Variants in LY86 observed in about 807,000 individuals in gnomAD.
LY86 encodes MD-1, RP105-associated.
Under a neutral mutation model 17.3 loss-of-function variants are expected in LY86, and 20 were observed. The observed-to-expected ratio is 1.15, with a 90% CI of 0.81 to 1.68. The LOEUF (loss-of-function observed/expected upper bound fraction) is 1.68, where lower values mean the gene tolerates loss of function less well. LY86 is among the 40% of genes most tolerant of loss of function. LY86 has a pLI of 0.00. For synonymous variants in LY86, 74 were observed against 70.6 expected (o/e 1.05, Z -0.24); for missense variants, 200 against 191.9 (o/e 1.04, Z -0.25).
chr6:6,607,736 C>CA (rs1410370803), intron 1 of LY86, among the ~76,000 whole-genome samples: 3 of 151,946 alleles, frequency 2.0e-5, no homozygotes, highest in Non-Finnish European at 4.4e-5. Flanking sequence ...CCCGTCTCTA[C>CA]AAAAAATACA....
intron 3 of LY86, among the ~76,000 whole-genome samples, chr6:6,646,041 T>G (rs992578263): frequency 1.1e-4 from 17 of 152,076 alleles, no homozygotes; most frequent in Non-Finnish European, 1.0e-4. Flanking sequence ...CGAAATCATG[T>G]TCCAGTAGCT....
chr6:6,601,463 C>G (rs1327931268), intron 1 of LY86, among the ~76,000 whole-genome samples: 1 of 152,206 alleles, frequency 6.6e-6, no homozygotes, highest in African/African-American at 2.4e-5. Flanking sequence ...TGGCTCACGC[C>G]TGTAATCCCA....
chr6:6,595,317 G>C (rs1221904800), intron 1 of LY86, among the ~76,000 whole-genome samples: 1 of 147,656 alleles, frequency 6.8e-6, no homozygotes, highest in Middle Eastern at 3.3e-3. Context: ...GGAGGAGGTG[G>C]AAGAGGAGGA....
Position 6,644,372 on chromosome 6 carries a change from C to T in LY86, c.353-5253C>T, listed in dbSNP as rs138017401. ...AACTCCATCTCTACAAAAAACTAGG[C>T]GTGTATGGTGGCACGCACTTGTAGT... On this transcript the variant is annotated intron_variant, in intron 3 of 4. Transcript: ENST00000230568. Among the ~76,000 whole-genome samples, 30 of 152,128 alleles carry T rather than the reference C, an allele frequency of 2.0e-4. No homozygotes were observed. The East Asian group carries it at 2.7e-3, about 14-fold the overall frequency.
At chr6:6,640,960 A>C (rs567851902) in intron 3 of LY86, among the ~76,000 whole-genome samples, 1 of 152,362 alleles carries the variant, frequency 6.6e-6, no homozygotes, top group South Asian at 2.1e-4. Flanking sequence ...GGACAGGGAG[A>C]GATATCAAAG....
At chr6:6,597,446 C>T (rs1760750047) in intron 1 of LY86, among the ~76,000 whole-genome samples, 2 of 152,178 alleles carry the variant, frequency 1.3e-5, no homozygotes, top group South Asian at 4.1e-4. Context: ...GGGGTTTTCA[C>T]TGAAATAAAA....
chr6:6,634,607 T>C (rs1018839471), intron 3 of LY86, among the ~76,000 whole-genome samples: 3 of 152,226 alleles, frequency 2.0e-5, no homozygotes, highest in African/African-American at 7.2e-5. Context: ...TTACGTTTCT[T>C]AATTAGATGT....
At chr6:6,603,568 C>A (rs1760981799) in intron 1 of LY86, among the ~76,000 whole-genome samples, 1 of 98,430 alleles carries the variant, frequency 1.0e-5, no homozygotes, top group Non-Finnish European at 2.1e-5. Flanking sequence ...CTCCAGAAGC[C>A]AAAACAAAGC....
At chr6:6,650,148 T>C (rs1581254163) in intron 4 of LY86, among the ~76,000 whole-genome samples, 1 of 152,188 alleles carries the variant, frequency 6.6e-6, no homozygotes, top group South Asian at 2.1e-4. Flanking sequence ...GTCCTTTCAT[T>C]GTTACTCATA....
At chr6:6,639,269 C>G (rs977593208) in intron 3 of LY86, among the ~76,000 whole-genome samples, 1 of 152,188 alleles carries the variant, frequency 6.6e-6, no homozygotes, top group African/African-American at 2.4e-5. Context: ...CTGCTCAAAT[C>G]CTAGGTTACA....
chr6:6,589,471 C>T (rs1437191865), intron 1 of LY86, among the ~76,000 whole-genome samples: 1 of 152,192 alleles, frequency 6.6e-6, no homozygotes, highest in Non-Finnish European at 1.5e-5. Context: ...CCCCAGCGGG[C>T]CAACCCAATA....
At chr6:6,623,645 G>T (rs1038523733) in intron 1 of LY86, among the ~76,000 whole-genome samples, 1 of 152,206 alleles carries the variant, frequency 6.6e-6, no homozygotes, top group Admixed American at 6.5e-5. Context: ...CATTTATGGA[G>T]TGCTTACTGT....
intron 1 of LY86, among the ~76,000 whole-genome samples, chr6:6,605,150 A>T (rs1761063314): frequency 6.6e-6 from 1 of 152,200 alleles, no homozygotes; most frequent in South Asian, 2.1e-4. Flanking sequence ...GCAAAGTAGC[A>T]ACTTTATCAA....
intron 1 of LY86, among the ~76,000 whole-genome samples, chr6:6,623,080 C>G (rs1326560354): frequency 6.6e-6 from 1 of 152,170 alleles, no homozygotes; most frequent in Non-Finnish European, 1.5e-5. Flanking sequence ...GTTTATTCTG[C>G]AGGTCTGGGT....
At chr6:6,606,946 G>A (rs1156613667) in intron 1 of LY86, among the ~76,000 whole-genome samples, 2 of 152,286 alleles carry the variant, frequency 1.3e-5, no homozygotes, top group African/African-American at 4.8e-5. Context: ...GGCGCTGAGA[G>A]CGAGTGAGGG....
chr6:6,604,719 T>TG (rs1270733411), intron 1 of LY86, among the ~76,000 whole-genome samples: 2 of 152,176 alleles, frequency 1.3e-5, no homozygotes, highest in African/African-American at 4.8e-5. Flanking sequence ...TGCATTACAT[T>TG]GGGGGTCTCT....
intron 1 of LY86, among the ~76,000 whole-genome samples, chr6:6,590,118 T>TAAC (rs1760479297): frequency 1.2e-5 from 1 of 80,576 alleles, no homozygotes; most frequent in African/African-American, 5.1e-5. Flanking sequence ...AACTCTGTCT[T>TAAC]AAAAAAAAAA....
At chr6:6,604,865 G>A (rs1040793265) in intron 1 of LY86, among the ~76,000 whole-genome samples, 11 of 148,328 alleles carry the variant, frequency 7.4e-5, no homozygotes, top group Non-Finnish European at 1.6e-4. Context: ...AAAGTTGCAA[G>A]AGAAATTACC....
chr6:6,649,485 A>C, intron 3 of LY86, 140 bp from the exon 4 acceptor site: 1 of 429,504 alleles, frequency 2.3e-6, no homozygotes, highest in Non-Finnish European at 4.1e-6. Context: ...GTAGATCAGG[A>C]AATGAAAACA....
Sources: gnomAD v4.1 joint callset for allele counts (sites outside exome capture counted in the v4.1 genomes callset) on GRCh38, gnomAD v4.1.1 for gene constraint, MANE v1.5 for transcripts, NCBI Gene and HGNC (gene_info 2026-07-23, HGNC 2026-07-21) for gene names.